Variants in SYTL5 observed in about 807,000 individuals in gnomAD.
The protein encoded by SYTL5 is synaptotagmin-like protein 5.
In SYTL5, 34 loss-of-function variants were observed where a neutral mutation model predicts 55.9. The ratio of observed to expected loss-of-function variants is 0.61; its 90% CI spans 0.46 to 0.81. The LOEUF (loss-of-function observed/expected upper bound fraction) is 0.81, where lower values mean the gene tolerates loss of function less well. Ranked by LOEUF, SYTL5 falls within the 30% of genes least tolerant of loss-of-function variation. SYTL5 has a pLI of 0.00. For synonymous variants in SYTL5, 221 were observed against 188.7 expected (o/e 1.17, Z -1.40); for missense variants, 637 against 546.7 (o/e 1.17, Z -1.65).
At chrX:37,984,260 A>G in the SYTL5 span, among the ~76,000 whole-genome samples, 1 of 111,816 alleles carries the variant, frequency 8.9e-6, no homozygotes, top group Non-Finnish European at 1.9e-5. Flanking sequence ...AATAAAAAAG[A>G]GAGAATTCAT....
At chrX:37,918,946 A>AGT in the SYTL5 span, among the ~76,000 whole-genome samples, 18,998 of 104,941 alleles carry the variant, frequency 0.18, 1,629 homozygotes, top group African/African-American at 0.31. Flanking sequence ...AGTGTGAGTG[A>AGT]GTGTGTGTGT....
chrX:37,902,942 C>T, the SYTL5 span, among the ~76,000 whole-genome samples: 2 of 111,969 alleles, frequency 1.8e-5, no homozygotes, highest in Non-Finnish European at 3.8e-5. Context: ...AAAAAACACA[C>T]GAAAAAATGC....
At chrX:37,956,794 C>T in the SYTL5 span, among the ~76,000 whole-genome samples, 1 of 111,565 alleles carries the variant, frequency 9.0e-6, no homozygotes, top group East Asian at 2.8e-4. Context: ...TATTTAATAC[C>T]AGTAAATACC....
rs370379336 is a variant in SYTL5, at chrX:38,043,893, A to G, written c.119+9885A>G. On this transcript the variant is annotated intron_variant, in intron 2 of 16. Transcript: ENST00000297875. Reference sequence around the variant, plus strand: ...ATTTTTCCATATAACATGAATGTGCAACGTGTTTCTTAACTATTTATTCTT... The same window carrying G: ...ATTTTTCCATATAACATGAATGTGCGACGTGTTTCTTAACTATTTATTCTT... 7.4e-5 allele frequency among the ~76,000 whole-genome samples: 8 copies of G among 108,445 alleles called. No homozygotes were observed. The South Asian group carries it at 2.8e-3, about 38-fold the overall frequency. The allele number at this position is 108,445 out of a possible 115,157, so 94.2% of individuals were successfully genotyped here. A position where few individuals can be genotyped will look rare whatever the true frequency, so the allele number is the denominator to read the frequency against.
At chrX:37,893,266 A>G in the SYTL5 span, among the ~76,000 whole-genome samples, 6 of 83,525 alleles carry the variant, frequency 7.2e-5, 1 homozygote, top group Admixed American at 3.8e-4. Flanking sequence ...AACATACCAC[A>G]ATCTATATAT....
intron 6 of SYTL5, among the ~76,000 whole-genome samples, chrX:38,083,548 C>T (rs1013851838): frequency 3.6e-5 from 4 of 111,343 alleles, no homozygotes; most frequent in Admixed American, 9.6e-5. Flanking sequence ...AAGATATGTG[C>T]GAGTAAGCCA....
intron 16 of SYTL5, among the ~76,000 whole-genome samples, chrX:38,126,027 C>T (rs900198610): frequency 8.9e-6 from 1 of 111,800 alleles, no homozygotes; most frequent in Non-Finnish European, 1.9e-5. Flanking sequence ...TGCCACAAGA[C>T]GCAACTGTAA....
At chrX:38,082,414 A>G (rs1363760482) in intron 6 of SYTL5, among the ~76,000 whole-genome samples, 1 of 112,339 alleles carries the variant, frequency 8.9e-6, no homozygotes, top group Non-Finnish European at 1.9e-5. Flanking sequence ...ATTGAAGAGC[A>G]GAGATATGTG....
At chrX:37,935,586 A>T in the SYTL5 span, among the ~76,000 whole-genome samples, 4 of 112,586 alleles carry the variant, frequency 3.6e-5, no homozygotes, top group Non-Finnish European at 7.5e-5. Flanking sequence ...TTTTATGACA[A>T]TATCTACACA....
At chrX:37,890,834 G>GT in the SYTL5 span, among the ~76,000 whole-genome samples, 1 of 111,556 alleles carries the variant, frequency 9.0e-6, no homozygotes, top group African/African-American at 3.3e-5. Context: ...GCAAATCAAC[G>GT]TAACAGCTGA....
At chrX:37,970,370 C>T in the SYTL5 span, among the ~76,000 whole-genome samples, 5 of 98,105 alleles carry the variant, frequency 5.1e-5, 1 homozygote, top group Admixed American at 5.4e-4. Context: ...TTTTTTTTTA[C>T]CAAAAATACC....
At chrX:38,007,892 T>C (rs1179252175) in intron 1 of SYTL5, among the ~76,000 whole-genome samples, 3 of 111,917 alleles carry the variant, frequency 2.7e-5, no homozygotes, top group Non-Finnish European at 3.8e-5. Flanking sequence ...TATGTATTTA[T>C]GATTTCCTGA....
chrX:38,048,030 CAAAA>C (rs1472467811), intron 2 of SYTL5, among the ~76,000 whole-genome samples: 1 of 109,969 alleles, frequency 9.1e-6, no homozygotes, highest in Non-Finnish European at 1.9e-5. Flanking sequence ...ACTAAAAATA[CAAAA>C]AATTAGCCAG....
At chrX:37,893,770 A>T in the SYTL5 span, among the ~76,000 whole-genome samples, 35 of 90,012 alleles carry the variant, frequency 3.9e-4, no homozygotes, top group African/African-American at 1.2e-3. Flanking sequence ...ATCTATAGAT[A>T]AACTATAGAT....
At chrX:38,032,519 A>G (rs5963376) in intron 1 of SYTL5, among the ~76,000 whole-genome samples, 25,589 of 110,605 alleles carry the variant, frequency 0.23, 5,319 homozygotes, top group African/African-American at 0.66. Flanking sequence ...AGAGCAAAAC[A>G]TTACCCAATG....
At chrX:37,895,262 T>A in the SYTL5 span, among the ~76,000 whole-genome samples, 1 of 112,483 alleles carries the variant, frequency 8.9e-6, no homozygotes, top group African/African-American at 3.2e-5. Flanking sequence ...ATATACCATT[T>A]AATAATTGTA....
chrX:37,959,002 GC>G, the SYTL5 span, among the ~76,000 whole-genome samples: 1 of 112,112 alleles, frequency 8.9e-6, no homozygotes, highest in South Asian at 3.7e-4. Flanking sequence ...CTGTGGCTTT[GC>G]TGTGCTCAGC....
In SYTL5 at chrX:38,094,302, G is replaced by T. The variant is rs371645338; in HGVS notation, c.839G>T (p.Gly280Val). 8.3e-7 allele frequency: 1 copy of T among 1,199,510 alleles called. No individual in the cohort carries two copies. Among genetic ancestry groups the T allele is most frequent in the Non-Finnish European group, 1.1e-6 (1 of 887,008 alleles). ...TTTTTACTTTGTGGGAAGGAGTATG[G>T]TTTTGAAAATTCCATGGATTTGGCT... The part of the protein sequence containing the change: ...TVTSVISREY[G>V]FENSMDLAAI... The change falls in exon 8 of 17, where the codon GGT becomes GTT. Residue 280 changes from glycine to valine, a missense_variant. Physicochemically the swap from Gly to Val is moderately radical, Grantham distance 109. Coordinates refer to ENST00000297875, the MANE Select transcript of SYTL5 (RefSeq NM_138780.3).
At chrX:37,925,896 G>A in the SYTL5 span, among the ~76,000 whole-genome samples, 1 of 111,703 alleles carries the variant, frequency 9.0e-6, no homozygotes, top group African/African-American at 3.3e-5. Flanking sequence ...TAGAATAATA[G>A]TCTCCAGTTT....
Sources: allele counts gnomAD v4.1 joint callset (sites outside exome capture counted in the v4.1 genomes callset), GRCh38; gene constraint gnomAD v4.1.1; transcripts MANE v1.5; gene names NCBI Gene and HGNC (gene_info 2026-07-23, HGNC 2026-07-21).